Variants in TIA1 observed in about 807,000 individuals in gnomAD.
TIA1 encodes TIA1 cytotoxic granule associated RNA binding protein.
Under a neutral mutation model 65.9 loss-of-function variants are expected in TIA1, and 23 were observed. The ratio of observed to expected loss-of-function variants is 0.35; its 90% confidence interval spans 0.25 to 0.49. TIA1 has a LOEUF of 0.49. TIA1 is among the 20% of genes least tolerant of loss of function. The pLI, the probability that TIA1 is intolerant of heterozygous loss-of-function variation, is 0.98. For missense variants in TIA1, 371 were observed against 477.9 expected, an observed-to-expected ratio of 0.78 and a Z score of 2.09; for synonymous variants, 147 against 149.4, an observed-to-expected ratio of 0.98 and a Z score of 0.12.
rs369169848 is a variant in TIA1 at position 70,227,777 on chromosome 2, G to T, written c.356C>A (p.Thr119Asn). Residue 119 changes from threonine to asparagine, a missense_variant, in exon 6 of 13, where the codon ACT becomes AAT. Thr to Asn is a moderately conservative substitution (Grantham distance 65). Coordinates refer to ENST00000433529, the MANE Select transcript of TIA1 (RefSeq NM_022173.4). ...TGCAAAAGCAGCTTTTATATCTTCA[G>T]TTGTAATTTCTGGGCTGAGATCACC... is the stretch of plus-strand genomic sequence containing the variant. ...FVGDLSPEIT[T>N]EDIKAAFAPF... 23 of 1,596,028 alleles carry T rather than the reference G, an allele frequency of 1.4e-5. No individual in the cohort carries two copies. The highest frequency in any genetic ancestry group is 1.9e-5 in the Non-Finnish European group (22 of 1,169,004).
chr2:70,225,873 T>C (rs1486899881), intron 6 of TIA1, among the ~76,000 whole-genome samples: 1 of 152,104 alleles, frequency 6.6e-6, no homozygotes, highest in African/African-American at 2.4e-5. Context: ...TAAGGGAAAA[T>C]ACCATATTTT....
chr2:70,217,627 G>A (rs1054623647), intron 7 of TIA1, among the ~76,000 whole-genome samples: 1 of 152,092 alleles, frequency 6.6e-6, no homozygotes, highest in Admixed American at 6.6e-5. Context: ...TCGATCTCCT[G>A]ACCTCGTGAT....
intron 2 of TIA1, among the ~76,000 whole-genome samples, chr2:70,234,051 G>C (rs994231469): frequency 6.6e-6 from 1 of 152,136 alleles, no homozygotes; most frequent in Non-Finnish European, 1.5e-5. Flanking sequence ...CTGTAGCCAA[G>C]GCAATCATTA....
At chr2:70,227,319 T>A (rs552845744) in intron 6 of TIA1, among the ~76,000 whole-genome samples, 1 of 152,296 alleles carries the variant, frequency 6.6e-6, no homozygotes, top group Admixed American at 6.5e-5. Context: ...TAACTGCTTT[T>A]TAAGTTGAAT....
chr2:70,220,384 G>A (rs889638622), intron 7 of TIA1, among the ~76,000 whole-genome samples: 3 of 152,044 alleles, frequency 2.0e-5, no homozygotes, highest in African/African-American at 7.2e-5. Flanking sequence ...ACTCCAGCCT[G>A]GGTGACAGAG....
chr2:70,212,733 A>G lies in TIA1; in HGVS notation c.1147T>C (p.Tyr383His). ...GGAGTCCTTATTCACTGGGTTTCAT[A>G]CCCTGCCACTCGATACCCAGAAGGC... ...NQPSGYRVAGYETQ is the reference protein window; with the variant it reads ...NQPSGYRVAGHETQ The change falls in exon 13 of 13, where the codon TAT becomes CAT. Residue 383 changes from tyrosine (Y) to histidine (H), a missense_variant. Coordinates refer to ENST00000433529, the MANE Select transcript of TIA1 (RefSeq NM_022173.4). 6.2e-7 allele frequency: 1 copy of G among 1,611,096 alleles called. No individual in the cohort carries two copies. Among genetic ancestry groups the G allele is most frequent in the East Asian group, 2.2e-5 (1 of 44,818 alleles).
intron 6 of TIA1, chr2:70,225,195 A>G (rs1683286426): frequency 1.9e-6 from 2 of 1,062,224 alleles, no homozygotes; most frequent in Non-Finnish European, 2.3e-6. Context: ...AATACTAGAC[A>G]CACACAAGTT....
chr2:70,237,310 G>A (rs978961502), intron 1 of TIA1, among the ~76,000 whole-genome samples: 3 of 152,160 alleles, frequency 2.0e-5, no homozygotes, highest in Admixed American at 1.3e-4. Context: ...GCTGAGGCAG[G>A]AGAATCACTT....
intron 7 of TIA1, among the ~76,000 whole-genome samples, chr2:70,219,153 A>C (rs1680070335): frequency 6.6e-6 from 1 of 152,234 alleles, no homozygotes; most frequent in Admixed American, 6.5e-5. Flanking sequence ...ATTCATGCAG[A>C]CTAGAGAAAG....
intron 7 of TIA1, 137 bp from the exon 8 acceptor site, chr2:70,217,131 G>A (rs756245568): frequency 1.4e-6 from 1 of 693,120 alleles, no homozygotes; most frequent in Non-Finnish European, 2.1e-6. Flanking sequence ...ACATATGATA[G>A]CTTTCCTAAA....
At chr2:70,225,126 C>A in intron 6 of TIA1, 1 of 1,021,834 alleles carries the variant, frequency 9.8e-7, no homozygotes, top group Non-Finnish European at 1.2e-6. Flanking sequence ...TTTATACCCC[C>A]CTTTTTGTCT....
chr2:70,233,871 C>T (rs1429045922), intron 2 of TIA1, among the ~76,000 whole-genome samples: 3 of 151,900 alleles, frequency 2.0e-5, no homozygotes, highest in African/African-American at 4.8e-5. Context: ...AAATAAGAAT[C>T]GAAGCATATA....
Position 70,214,481 on chromosome 2 carries a change from C to A in TIA1, c.902G>T (p.Gly301Val). The part of the protein sequence containing the change: ...INPVQQQNQI[G>V]YPQPYGQWGQ... ...CCACTGGCCATAAGGTTGGGGATATCCAATTTGATTCTGCTATTAAATAAA... is the reference window on the plus strand; with the variant it reads ...CCACTGGCCATAAGGTTGGGGATATACAATTTGATTCTGCTATTAAATAAA... Residue 301 changes from glycine to valine, a missense_variant, in exon 12 of 13, where the codon GGA becomes GTA. Physicochemically the swap from Gly to Val is moderately radical, Grantham distance 109. Coordinates refer to ENST00000433529, the MANE Select transcript of TIA1 (RefSeq NM_022173.4). 6.2e-7 allele frequency: 1 copy of A among 1,610,322 alleles called. No individual in the cohort carries two copies. The highest frequency in any genetic ancestry group is 8.5e-7 in the Non-Finnish European group (1 of 1,178,850).
At chr2:70,227,274 T>A (rs1046971580) in intron 6 of TIA1, among the ~76,000 whole-genome samples, 2 of 152,192 alleles carry the variant, frequency 1.3e-5, no homozygotes, top group African/African-American at 2.4e-5. Flanking sequence ...GCAGTTTTTT[T>A]AAAAGGGTGT....
At position 70,216,515 on chromosome 2, in the gene TIA1, G is replaced by T. The variant is rs764772150; in HGVS notation, c.584-16C>A. The T allele has an allele frequency of 1.9e-6, 3 of 1,601,010 alleles. No homozygotes were observed. The African/African-American group carries it at 4.0e-5, about 21-fold the overall frequency. On this transcript the variant is annotated splice_polypyrimidine_tract_variant and intron_variant, in intron 8 of 12. Transcript: ENST00000433529. ...TTGGTATTTGCTGGTGAGAGAAAAGGTTTATGTCTTTAATTCATTAAATAA... is the reference window on the plus strand; with the variant it reads ...TTGGTATTTGCTGGTGAGAGAAAAGTTTTATGTCTTTAATTCATTAAATAA...
chr2:70,238,246 T>C (rs1386706890), intron 1 of TIA1, among the ~76,000 whole-genome samples: 1 of 149,540 alleles, frequency 6.7e-6, no homozygotes, highest in African/African-American at 2.4e-5. Context: ...CTAAGAACAT[T>C]GACGTTCCCC....
At chr2:70,220,607 G>A (rs1398849843) in intron 7 of TIA1, among the ~76,000 whole-genome samples, 1 of 152,048 alleles carries the variant, frequency 6.6e-6, no homozygotes, top group East Asian at 1.9e-4. Context: ...CACCTTGATT[G>A]TGAATTTCAC....
intron 8 of TIA1, 79 bp downstream of exon 8, chr2:70,216,806 CG>C: frequency 1.9e-6 from 3 of 1,609,698 alleles, no homozygotes; most frequent in Non-Finnish European, 2.5e-6. Context: ...AATAAGTCTC[CG>C]GGAACAGCTC....
chr2:70,248,235 G>A (rs965780672), intron 1 of TIA1, among the ~76,000 whole-genome samples, 170 bp downstream of exon 1: 2 of 152,226 alleles, frequency 1.3e-5, no homozygotes. Flanking sequence ...CCTTCACCTC[G>A]TCCTCACAGA....
Sources: allele counts gnomAD v4.1 joint callset (sites outside exome capture counted in the v4.1 genomes callset), GRCh38; gene constraint gnomAD v4.1.1; transcripts MANE v1.5; gene names NCBI Gene and HGNC (gene_info 2026-07-23, HGNC 2026-07-21).